Variants in CRYL1 observed in about 807,000 individuals in gnomAD.
The protein encoded by CRYL1 is crystallin lambda 1, also known as lambda-crystallin homolog.
Under a neutral mutation model 36.6 loss-of-function variants are expected in CRYL1, and 29 were observed. That is an observed-to-expected ratio of 0.79 (90% CI 0.59 to 1.08). The LOEUF is 1.08. Ranked by LOEUF, CRYL1 falls within the 50% of genes least tolerant of loss-of-function variation. CRYL1 has a pLI of 0.00. For missense variants in CRYL1, 411 were observed against 407.9 expected (o/e 1.01, Z -0.06); for synonymous variants, 152 against 151.5 (o/e 1.00, Z -0.02).
At chr13:20,452,718 A>G (rs949002790) in intron 3 of CRYL1, among the ~76,000 whole-genome samples, 1 of 152,178 alleles carries the variant, frequency 6.6e-6, no homozygotes, top group African/African-American at 2.4e-5. Context: ...GGTGATTAAT[A>G]TGTGTCAATG....
At chr13:20,436,612 G>A (rs1429923122) in intron 4 of CRYL1, among the ~76,000 whole-genome samples, 1 of 152,114 alleles carries the variant, frequency 6.6e-6, no homozygotes, top group African/African-American at 2.4e-5. Context: ...TCTAGTCCTG[G>A]AAGCCCACCC....
intron 6 of CRYL1, among the ~76,000 whole-genome samples, chr13:20,411,731 A>G (rs764827491): frequency 7.2e-5 from 11 of 152,178 alleles, no homozygotes; most frequent in Non-Finnish European, 1.2e-4. Flanking sequence ...TCTCTACATT[A>G]TCTTCTTCTA....
intron 3 of CRYL1, among the ~76,000 whole-genome samples, chr13:20,440,687 C>T (rs957244583): frequency 6.6e-6 from 1 of 152,176 alleles, no homozygotes; most frequent in Non-Finnish European, 1.5e-5. Flanking sequence ...ATCTCATCCT[C>T]GTGAAATGAA....
chr13:20,462,997 C>T (rs149434395), intron 3 of CRYL1, among the ~76,000 whole-genome samples: 1 of 152,248 alleles, frequency 6.6e-6, no homozygotes, highest in East Asian at 1.9e-4. Context: ...TTACCTTATC[C>T]ACATTTTGTA....
At chr13:20,471,461 C>T (rs561099882) in intron 3 of CRYL1, among the ~76,000 whole-genome samples, 35 of 151,908 alleles carry the variant, frequency 2.3e-4, no homozygotes, top group African/African-American at 7.0e-4. Context: ...AAAAATTAGC[C>T]GGGTGTGGTG....
Position 20,404,690 on chromosome 13 carries a change from T to G in CRYL1, c.791A>C (p.Gln264Pro). Residue 264 changes from glutamine (Q) to proline (P), a missense_variant, in exon 7 of 8, where the codon CAG becomes CCG. By Grantham distance (76) the Gln-to-Pro change is moderately conservative. Coordinates refer to ENST00000298248, the MANE Select transcript of CRYL1 (RefSeq NM_015974.3). Reference sequence around the variant, plus strand: ...AAACTCTGGAATGGGTCCAAAAGTCTGTAGGACATGTTTTATGCCTTCGCT... The same window carrying G: ...AAACTCTGGAATGGGTCCAAAAGTCGGTAGGACATGTTTTATGCCTTCGCT... ...RYSEGIKHVL[Q>P]TFGPIPEFSR... 6.2e-7 allele frequency: 1 copy of G among 1,614,140 alleles called. No homozygotes were observed. Among genetic ancestry groups the G allele is most frequent in the Non-Finnish European group, 8.5e-7 (1 of 1,179,938 alleles).
chr13:20,516,525 G>GCT (rs1251486330), intron 1 of CRYL1, among the ~76,000 whole-genome samples: 1 of 151,980 alleles, frequency 6.6e-6, no homozygotes, highest in East Asian at 1.9e-4. Flanking sequence ...TGTCGCCCAG[G>GCT]CTGGAGTGCT....
chr13:20,437,688 T>TA (rs2032261098), intron 4 of CRYL1, among the ~76,000 whole-genome samples: 1 of 152,150 alleles, frequency 6.6e-6, no homozygotes, highest in Non-Finnish European at 1.5e-5. Flanking sequence ...ATTCAACAGT[T>TA]ACCAACTCCT....
intron 3 of CRYL1, among the ~76,000 whole-genome samples, chr13:20,483,369 G>A (rs901503174): frequency 1.3e-5 from 2 of 151,970 alleles, no homozygotes; most frequent in Non-Finnish European, 1.5e-5. Flanking sequence ...TCACTCTGTC[G>A]CGCAGGCTGG....
intron 5 of CRYL1, chr13:20,431,329 TA>T: frequency 3.0e-6 from 3 of 985,400 alleles, no homozygotes; most frequent in Non-Finnish European, 3.6e-6. Flanking sequence ...TGCAGCTGGG[TA>T]CTTCCGGCCC....
At chr13:20,499,657 CAA>C (rs1052973210) in intron 2 of CRYL1, among the ~76,000 whole-genome samples, 2 of 143,098 alleles carry the variant, frequency 1.4e-5, no homozygotes, top group Non-Finnish European at 3.1e-5. Context: ...GACACACACA[CAA>C]AAAAAAATGT....
At position 20,435,757 on chromosome 13, in the gene CRYL1, G is replaced by A. The variant is rs1469379861; in HGVS notation, c.439-3461C>T. 6.6e-6 allele frequency among the ~76,000 whole-genome samples: 1 copy of A among 152,200 alleles called. No homozygotes were observed. The highest frequency in any genetic ancestry group is 1.5e-5 in the Non-Finnish European group (1 of 68,036). Reference sequence around the variant, plus strand: ...GGGACGCATTCTTCCCCGCCGCCCGGGCCCCATGTGACCGCGCCGACAGCG... The same window carrying A: ...GGGACGCATTCTTCCCCGCCGCCCGAGCCCCATGTGACCGCGCCGACAGCG... On this transcript the variant is annotated intron_variant, in intron 4 of 7. Transcript: ENST00000298248. This position sits in a 1 kb window ranked among gnomAD's most constrained non-coding sequence, Gnocchi z 4.0.
At chr13:20,438,567 A>G (rs188934137) in intron 4 of CRYL1, among the ~76,000 whole-genome samples, 1 of 152,290 alleles carries the variant, frequency 6.6e-6, no homozygotes, top group Non-Finnish European at 1.5e-5. Context: ...TCATGCCACC[A>G]GGCTGGCCTC....
intron 3 of CRYL1, among the ~76,000 whole-genome samples, chr13:20,482,739 C>CTGTGTGTGTG (rs148128861): frequency 6.4e-4 from 97 of 150,908 alleles, no homozygotes; most frequent in African/African-American, 2.2e-3. Flanking sequence ...GGCAAGCAGT[C>CTGTGTGTGTG]TGTGTGTGTG....
intron 3 of CRYL1, among the ~76,000 whole-genome samples, chr13:20,472,307 G>A (rs987271998): frequency 6.6e-6 from 1 of 152,032 alleles, no homozygotes; most frequent in Non-Finnish European, 1.5e-5. Flanking sequence ...TATTGCTTAG[G>A]GAACAATGAC....
intron 2 of CRYL1, among the ~76,000 whole-genome samples, chr13:20,493,133 A>G (rs1456464504): frequency 6.6e-6 from 1 of 152,270 alleles, no homozygotes; most frequent in Admixed American, 6.5e-5. Context: ...TAGATTAGCA[A>G]GACTGAGCAG....
chr13:20,487,191 A>G (rs779209073), intron 3 of CRYL1, among the ~76,000 whole-genome samples: 30 of 152,166 alleles, frequency 2.0e-4, no homozygotes, highest in Non-Finnish European at 7.3e-5. Context: ...CTAGGGGATG[A>G]CTTTACAATT....
intron 5 of CRYL1, among the ~76,000 whole-genome samples, chr13:20,414,491 C>A (rs2031606611): frequency 6.6e-6 from 1 of 152,070 alleles, no homozygotes; most frequent in Admixed American, 6.5e-5. Context: ...TGCCTAGGAC[C>A]CAGGGGGGAG....
In CRYL1 at chr13:20,435,320, G is replaced by A. The variant is rs553343525; in HGVS notation, c.439-3024C>T. ...CTTGAAGGGCTGCCCAGCGCCCACT[G>A]TACAAGGCACACGGCTGACTAGGAC... is the stretch of plus-strand genomic sequence containing the variant. On this transcript the variant is annotated intron_variant, in intron 4 of 7. Coordinates refer to ENST00000298248, the MANE Select transcript of CRYL1 (RefSeq NM_015974.3). The surrounding 1 kb of genome is among the most constrained non-coding windows in gnomAD (Gnocchi z 4.0). Among the ~76,000 whole-genome samples, 3 of 152,328 alleles carry A rather than the reference G, an allele frequency of 2.0e-5. No homozygotes were observed. The highest frequency in any genetic ancestry group is 4.4e-5 in the Non-Finnish European group (3 of 68,034).
Sources: gnomAD v4.1 joint callset for allele counts (sites outside exome capture counted in the v4.1 genomes callset) on GRCh38, gnomAD v4.1.1 for gene constraint, Gnocchi (gnomAD v3.1) non-coding constraint, MANE v1.5 for transcripts, NCBI Gene and HGNC (gene_info 2026-07-23, HGNC 2026-07-21) for gene names.